The following ARHGAP6 variants were observed in gnomAD, a reference collection of about 807,000 sequenced individuals.
ARHGAP6 encodes Rho GTPase activating protein 6.
ARHGAP6 carries 16 observed loss-of-function variants against 55.7 expected under a neutral mutation model. The ratio of observed to expected loss-of-function variants is 0.29; its 90% CI spans 0.19 to 0.44. The LOEUF is 0.44. Ranked by LOEUF, ARHGAP6 falls within the 20% of genes least tolerant of loss-of-function variation. ARHGAP6 has a pLI of 1.00. For missense variants in ARHGAP6, 698 were observed against 808.9 expected (o/e 0.86, Z 1.66); for synonymous variants, 382 against 360.9 (o/e 1.06, Z -0.66).
intron 1 of ARHGAP6, among the ~76,000 whole-genome samples, chrX:11,464,087 C>A (rs1047239059): frequency 2.8e-5 from 3 of 108,342 alleles, no homozygotes; most frequent in African/African-American, 1.0e-4. Context: ...TGGATAGATG[C>A]GGCTAAACCT....
intron 2 of ARHGAP6, among the ~76,000 whole-genome samples, chrX:11,211,452 A>G (rs113073218): frequency 0.19 from 20,805 of 109,861 alleles, 1,696 homozygotes; most frequent in African/African-American, 0.3. Flanking sequence ...GGATGTTCTC[A>G]ATCTCCTGAC....
intron 1 of ARHGAP6, among the ~76,000 whole-genome samples, chrX:11,619,656 G>A (rs2052205291): frequency 8.9e-6 from 1 of 111,921 alleles, no homozygotes; most frequent in African/African-American, 3.2e-5. Flanking sequence ...CCAGAAATCT[G>A]TGTGTGACAA....
chrX:11,339,086 G>A (rs570917914), intron 1 of ARHGAP6, among the ~76,000 whole-genome samples: 3 of 112,044 alleles, frequency 2.7e-5, no homozygotes, highest in African/African-American at 9.7e-5. Context: ...CTTCATGAGG[G>A]AAAGAACTTT....
At chrX:11,450,400 C>T (rs927671496) in intron 1 of ARHGAP6, among the ~76,000 whole-genome samples, 4 of 111,855 alleles carry the variant, frequency 3.6e-5, no homozygotes, top group African/African-American at 6.5e-5. Flanking sequence ...CAGCTACCTA[C>T]GTGAAATTCT....
intron 1 of ARHGAP6, among the ~76,000 whole-genome samples, chrX:11,435,973 G>A (rs1034439504): frequency 8.9e-6 from 1 of 111,950 alleles, no homozygotes; most frequent in Non-Finnish European, 1.9e-5. Context: ...TTCTTTTAAA[G>A]CTCTTAAGAT....
chrX:11,341,852 AG>A (rs2048710868), intron 1 of ARHGAP6, among the ~76,000 whole-genome samples: 2 of 111,599 alleles, frequency 1.8e-5, no homozygotes, highest in Admixed American at 1.9e-4. Context: ...CCATCCTATC[AG>A]GGGGAAAGAA....
chrX:11,216,435 C>G, intron 2 of ARHGAP6, among the ~76,000 whole-genome samples: 1 of 111,475 alleles, frequency 9.0e-6, no homozygotes, highest in Non-Finnish European at 1.9e-5. Flanking sequence ...GGGTAAATCA[C>G]TTGAGGTCAG....
chrX:11,152,243 G>A (rs184723923), intron 10 of ARHGAP6, among the ~76,000 whole-genome samples: 60 of 112,111 alleles, frequency 5.4e-4, no homozygotes, highest in African/African-American at 1.9e-3. Flanking sequence ...AGGCAATCTG[G>A]CTCTGGATCT....
chrX:11,320,613 C>T (rs764850091), intron 1 of ARHGAP6, among the ~76,000 whole-genome samples: 1 of 110,859 alleles, frequency 9.0e-6, no homozygotes, highest in South Asian at 3.8e-4. Flanking sequence ...AATTTTACTA[C>T]TGAAATGATT....
intron 1 of ARHGAP6, among the ~76,000 whole-genome samples, chrX:11,558,067 A>G (rs2051339698): frequency 8.9e-6 from 1 of 112,010 alleles, no homozygotes. Context: ...TTACAAACCC[A>G]CACGCTCCAT....
chrX:11,152,464 A>T (rs892419921), intron 10 of ARHGAP6, among the ~76,000 whole-genome samples: 1 of 111,729 alleles, frequency 9.0e-6, no homozygotes, highest in Admixed American at 9.5e-5. Flanking sequence ...CCTGCCATTT[A>T]AGGGCTTCTA....
intron 1 of ARHGAP6, among the ~76,000 whole-genome samples, chrX:11,306,130 G>C (rs1169024233): frequency 9.0e-6 from 1 of 111,578 alleles, no homozygotes; most frequent in Non-Finnish European, 1.9e-5. Flanking sequence ...TGGCACTCCT[G>C]GAAGTGAGGT....
intron 1 of ARHGAP6, among the ~76,000 whole-genome samples, chrX:11,641,525 C>T (rs752156459): frequency 3.6e-5 from 4 of 111,484 alleles, no homozygotes; most frequent in Non-Finnish European, 7.6e-5. Context: ...TGAAGAAGGT[C>T]GCATCACACA....
intron 1 of ARHGAP6, among the ~76,000 whole-genome samples, chrX:11,375,877 A>G (rs759943804): frequency 3.6e-5 from 4 of 112,236 alleles, no homozygotes; most frequent in Non-Finnish European, 5.6e-5. Context: ...AAGGAAGGTG[A>G]TAAGAAAATT....
At chrX:11,476,476 G>A (rs974003785) in intron 1 of ARHGAP6, among the ~76,000 whole-genome samples, 1 of 111,588 alleles carries the variant, frequency 9.0e-6, no homozygotes, top group Non-Finnish European at 1.9e-5. Context: ...TTATAAAATT[G>A]TATTGAAATA....
chrX:11,397,200 T>C (rs1003352670), intron 1 of ARHGAP6, among the ~76,000 whole-genome samples: 2 of 111,745 alleles, frequency 1.8e-5, no homozygotes. Context: ...CAAGGCATCC[T>C]TACTATCTGG....
At chrX:11,278,156 A>G (rs1365156380) in intron 1 of ARHGAP6, among the ~76,000 whole-genome samples, 2 of 111,521 alleles carry the variant, frequency 1.8e-5, no homozygotes, top group African/African-American at 6.5e-5. Context: ...GTGCAGAATA[A>G]TATCTCTCAC....
chrX:11,179,062 T>C (rs1192456746), intron 7 of ARHGAP6, among the ~76,000 whole-genome samples: 2 of 112,364 alleles, frequency 1.8e-5, no homozygotes, highest in Admixed American at 9.4e-5. Context: ...TTTACTGTTC[T>C]TGGGTTATTT....
chrX:11,346,481 G>A (rs958139550), intron 1 of ARHGAP6, among the ~76,000 whole-genome samples: 3 of 111,300 alleles, frequency 2.7e-5, no homozygotes, highest in Non-Finnish European at 3.8e-5. Context: ...ACTTTGGGAG[G>A]CGGAGAGGGG....
Sources: gnomAD v4.1 joint callset for allele counts (sites outside exome capture counted in the v4.1 genomes callset) on GRCh38, gnomAD v4.1.1 for gene constraint, MANE v1.5 for transcripts, NCBI Gene and HGNC (gene_info 2026-07-23, HGNC 2026-07-21) for gene names.